The following SMCO4 variants were observed in gnomAD, a reference collection of about 807,000 sequenced individuals.
SMCO4 encodes single-pass membrane and coiled-coil domain-containing protein 4.
In SMCO4, 4 loss-of-function variants were observed where a neutral mutation model predicts 3.6. That is an observed-to-expected ratio of 1.11 (90% confidence interval 0.54 to 2.53). The LOEUF is 2.53. SMCO4 is among the 30% of genes most tolerant of loss of function. SMCO4 has a pLI of 0.02. For missense variants in SMCO4, 70 were observed against 80.8 expected (o/e 0.87, Z 0.51); for synonymous variants, 36 against 35.3 (o/e 1.02, Z -0.07).
chr11:93,502,558 C>T (rs566056452), intron 1 of SMCO4, among the ~76,000 whole-genome samples: 1 of 152,144 alleles, frequency 6.6e-6, no homozygotes, highest in Non-Finnish European at 1.5e-5. Flanking sequence ...TGGTAACATG[C>T]GATAACAGGT....
chr11:93,499,771 G>A (rs1028403709), intron 1 of SMCO4, among the ~76,000 whole-genome samples: 20 of 152,132 alleles, frequency 1.3e-4, no homozygotes, highest in Non-Finnish European at 2.5e-4. Context: ...AAACAAACGC[G>A]GAAGGTGAAG....
chr11:93,550,384 G>A, the SMCO4 span, among the ~76,000 whole-genome samples: 1 of 152,260 alleles, frequency 6.6e-6, no homozygotes, highest in Admixed American at 6.5e-5. Context: ...ACTCGGCCAG[G>A]CATGGTGCCT....
chr11:93,551,197 T>C, the SMCO4 span, among the ~76,000 whole-genome samples: 1 of 28,754 alleles, frequency 3.5e-5, no homozygotes. Flanking sequence ...ACAAATGATG[T>C]TAAGCGTGCT....
rs113470644 is a variant in SMCO4 at position 93,538,495 on chromosome 11, C to A, written c.-154+4781G>T. Among the ~76,000 whole-genome samples the A allele has an allele frequency of 5.5e-3, 834 of 152,302 alleles. 3 individuals carry two copies. Among genetic ancestry groups the A allele is most frequent in the African/African-American group, 0.019 (794 of 41,548 alleles). On this transcript the variant is annotated intron_variant, in intron 1 of 2. Coordinates refer to ENST00000298966, the MANE Select transcript of SMCO4 (RefSeq NM_020179.3). ...TTTCCCAAAATGCAGTCTGAGGAATCCAACTTCATTCTCTGCGATGCTCCT... is the reference window on the plus strand; with the variant it reads ...TTTCCCAAAATGCAGTCTGAGGAATACAACTTCATTCTCTGCGATGCTCCT...
chr11:93,502,175 T>C (rs541390400), intron 1 of SMCO4, among the ~76,000 whole-genome samples: 15 of 152,286 alleles, frequency 9.8e-5, no homozygotes, highest in Admixed American at 8.5e-4. Flanking sequence ...GTGATTACAT[T>C]AATCTGTTTT....
chr11:93,492,320 A>G, intron 2 of SMCO4, among the ~76,000 whole-genome samples: 1 of 152,194 alleles, frequency 6.6e-6, no homozygotes, highest in Non-Finnish European at 1.5e-5. Flanking sequence ...TGAATATACA[A>G]ACTGATTGAC....
At chr11:93,524,082 T>C (rs1436227822) in intron 1 of SMCO4, among the ~76,000 whole-genome samples, 1 of 152,208 alleles carries the variant, frequency 6.6e-6, no homozygotes, top group African/African-American at 2.4e-5. Flanking sequence ...GAGATCTGTA[T>C]TTTCTTCAAG....
chr11:93,483,985 G>A (rs1948620550), intron 2 of SMCO4, among the ~76,000 whole-genome samples: 1 of 152,200 alleles, frequency 6.6e-6, no homozygotes, highest in Non-Finnish European at 1.5e-5. Context: ...GCTCAGGCAG[G>A]ATGGAAGCTG....
intron 2 of SMCO4, among the ~76,000 whole-genome samples, chr11:93,487,991 T>C (rs1948670474): frequency 6.6e-6 from 1 of 152,238 alleles, no homozygotes; most frequent in African/African-American, 2.4e-5. Context: ...AATGTTGCCT[T>C]CAGGTAATGA....
upstream of SMCO4, chr11:93,543,452 T>G (rs369579925): frequency 6.6e-6 from 1 of 151,388 alleles, no homozygotes. Flanking sequence ...CCTCCCGTCC[T>G]AACCCTAACT....
At chr11:93,533,710 A>C (rs186439397) in intron 1 of SMCO4, among the ~76,000 whole-genome samples, 3 of 152,076 alleles carry the variant, frequency 2.0e-5, no homozygotes, top group African/African-American at 7.2e-5. Context: ...GAACATCCCA[A>C]CTCAACTCTC....
At chr11:93,485,469 C>A (rs929113395) in intron 2 of SMCO4, among the ~76,000 whole-genome samples, 2 of 152,254 alleles carry the variant, frequency 1.3e-5, no homozygotes, top group Non-Finnish European at 2.9e-5. Context: ...TTTGGACAAC[C>A]ATCACATGTG....
At chr11:93,491,812 C>G (rs975760352) in intron 2 of SMCO4, among the ~76,000 whole-genome samples, 1 of 152,202 alleles carries the variant, frequency 6.6e-6, no homozygotes. Flanking sequence ...AACACAACTT[C>G]GCCAGAACTT....
chr11:93,483,578 T>C (rs1269154881), intron 2 of SMCO4, among the ~76,000 whole-genome samples: 3 of 152,098 alleles, frequency 2.0e-5, no homozygotes, highest in Non-Finnish European at 4.4e-5. Context: ...CTCTCCTCCT[T>C]CTAGTCGAGT....
intron 1 of SMCO4, among the ~76,000 whole-genome samples, chr11:93,513,075 A>T (rs1341848371): frequency 3.3e-5 from 5 of 152,222 alleles, no homozygotes; most frequent in Admixed American, 3.3e-4. Flanking sequence ...GGACCCATCA[A>T]TAGTGAAGAA....
intron 1 of SMCO4, among the ~76,000 whole-genome samples, chr11:93,515,795 C>G (rs7111773): frequency 0.16 from 24,130 of 152,124 alleles, 1,967 homozygotes; most frequent in South Asian, 0.19. Flanking sequence ...TGGGCTTGAA[C>G]AAATGTGCAC....
upstream of SMCO4, among the ~76,000 whole-genome samples, chr11:93,544,751 A>G (rs534565814): frequency 6.6e-6 from 1 of 152,282 alleles, no homozygotes; most frequent in African/African-American, 2.4e-5. Flanking sequence ...TCTGCACCTC[A>G]GTCCCCTCAA....
At chr11:93,515,808 C>T (rs1565383644) in intron 1 of SMCO4, among the ~76,000 whole-genome samples, 1 of 152,168 alleles carries the variant, frequency 6.6e-6, no homozygotes, top group African/African-American at 2.4e-5. Flanking sequence ...ATGTGCACTA[C>T]ACCACTGTAC....
intron 1 of SMCO4, among the ~76,000 whole-genome samples, chr11:93,515,040 A>C (rs905358160): frequency 4.6e-5 from 7 of 152,216 alleles, no homozygotes; most frequent in Non-Finnish European, 7.3e-5. Flanking sequence ...TCCCTGGCAC[A>C]GAAACACGAA....
Sources: allele counts gnomAD v4.1 joint callset (sites outside exome capture counted in the v4.1 genomes callset), GRCh38; gene constraint gnomAD v4.1.1; transcripts MANE v1.5; gene names NCBI Gene and HGNC (gene_info 2026-07-23, HGNC 2026-07-21).